The following TRIO variants were observed in gnomAD, a reference collection of about 807,000 sequenced individuals.
TRIO encodes the protein trio Rho guanine nucleotide exchange factor.
In TRIO, 58 loss-of-function variants were observed where a neutral mutation model predicts 351.9. The ratio of observed to expected loss-of-function variants is 0.16; its 90% CI spans 0.13 to 0.21. The LOEUF (loss-of-function observed/expected upper bound fraction) is 0.21. Ranked by LOEUF, TRIO falls within the 10% of genes least tolerant of loss-of-function variation. TRIO has a pLI of 1.00. For synonymous variants in TRIO, 1,758 were observed against 1,595.7 expected, an observed-to-expected ratio of 1.10 and a Z score of -2.42; for missense variants, 3,201 against 4,027.8, an observed-to-expected ratio of 0.79 and a Z score of 5.56.
chr5:14,354,522 G>A (rs941793389), intron 11 of TRIO, among the ~76,000 whole-genome samples: 2 of 152,158 alleles, frequency 1.3e-5, no homozygotes, highest in African/African-American at 2.4e-5. Flanking sequence ...CAATATTTGG[G>A]TCAGAGTTGG....
At chr5:14,388,533 T>C in intron 23 of TRIO, 80 bp from the exon 24 acceptor site, 1 of 1,376,042 alleles carries the variant, frequency 7.3e-7, no homozygotes, top group Non-Finnish European at 1.0e-6. Flanking sequence ...ACCCACTCTG[T>C]TATTTCATAA....
intron 33 of TRIO, among the ~76,000 whole-genome samples, chr5:14,414,212 A>C (rs1749446050): frequency 6.6e-6 from 1 of 152,156 alleles, no homozygotes; most frequent in African/African-American, 2.4e-5. Context: ...TTTACCTGCC[A>C]CGCCACAGGG....
chr5:14,254,533 G>A (rs915867228), intron 1 of TRIO, among the ~76,000 whole-genome samples: 6 of 152,140 alleles, frequency 3.9e-5, no homozygotes, highest in Non-Finnish European at 8.8e-5. Context: ...GAGGCGCCTG[G>A]AAAGGAAGGA....
At chr5:14,419,610 G>GA (rs1158962414) in intron 33 of TRIO, among the ~76,000 whole-genome samples, 168 bp from the exon 34 acceptor site, 3 of 152,200 alleles carry the variant, frequency 2.0e-5, no homozygotes, top group East Asian at 1.9e-4. Flanking sequence ...AAGCTCTTAT[G>GA]AAAAATCATA....
At chr5:14,398,676 A>G (rs529663211) in intron 29 of TRIO, among the ~76,000 whole-genome samples, 1 of 152,298 alleles carries the variant, frequency 6.6e-6, no homozygotes, top group East Asian at 1.9e-4. Context: ...GAACAAAGGA[A>G]AATATATGTA....
chr5:14,417,816 A>G lies in TRIO; in HGVS notation c.4960-1962A>G, dbSNP rs541904567. Among the ~76,000 whole-genome samples the G allele has an allele frequency of 2.6e-5, 4 of 152,320 alleles. No individual in the cohort carries two copies. In the East Asian group the frequency reaches 7.7e-4, roughly 29 times the overall value. On this transcript the variant is annotated intron_variant, in intron 33 of 56. Transcript: ENST00000344204. ...TGCATTGCCTTCATTTTTAGAGCAT[A>G]TGTATCTTTTCTTTTTCATTTCACA...
chr5:14,476,833 T>A, intron 40 of TRIO, 61 bp from the exon 41 acceptor site: 2 of 1,399,196 alleles, frequency 1.4e-6, no homozygotes, highest in Non-Finnish European at 2.0e-6. Flanking sequence ...AATGTAAACC[T>A]AAATCTAAAA....
chr5:14,195,820 C>A (rs1790736950), intron 1 of TRIO, among the ~76,000 whole-genome samples: 1 of 152,144 alleles, frequency 6.6e-6, no homozygotes, highest in Non-Finnish European at 1.5e-5. Context: ...CCAGCGGGGA[C>A]AGTTCAGGCT....
intron 1 of TRIO, 124 bp downstream of exon 1, chr5:14,144,006 C>T (rs1787335284): frequency 2.8e-6 from 2 of 710,472 alleles, no homozygotes; most frequent in Non-Finnish European, 3.5e-6. Flanking sequence ...TCGGGGCCCG[C>T]AGGCTCTCGC....
At chr5:14,147,287 C>T (rs999162539) in intron 1 of TRIO, among the ~76,000 whole-genome samples, 5 of 152,294 alleles carry the variant, frequency 3.3e-5, no homozygotes, top group Middle Eastern at 3.4e-3. Context: ...AGTCAGGGCC[C>T]TGGTCCCTGG....
intron 19 of TRIO, among the ~76,000 whole-genome samples, chr5:14,375,762 C>G (rs1745504202): frequency 6.6e-6 from 1 of 152,220 alleles, no homozygotes; most frequent in African/African-American, 2.4e-5. Flanking sequence ...AGTACTGGCT[C>G]AGGCAGAGAC....
chr5:14,167,143 A>T (rs930427820), intron 1 of TRIO, among the ~76,000 whole-genome samples: 1 of 150,974 alleles, frequency 6.6e-6, no homozygotes, highest in African/African-American at 2.4e-5. Flanking sequence ...TTCCTTTGAG[A>T]TTTAAGATCT....
At chr5:14,384,479 A>G (rs923712344) in intron 21 of TRIO, among the ~76,000 whole-genome samples, 3 of 152,352 alleles carry the variant, frequency 2.0e-5, no homozygotes, top group African/African-American at 7.2e-5. Flanking sequence ...CACTGTAACG[A>G]TCTCTAGAGA....
At chr5:14,429,167 G>A (rs985486025) in intron 34 of TRIO, among the ~76,000 whole-genome samples, 3 of 152,190 alleles carry the variant, frequency 2.0e-5, no homozygotes, top group Admixed American at 6.5e-5. Flanking sequence ...AGTAAGTGGC[G>A]TTCCTGGAGG....
Position 14,419,959 on chromosome 5 carries a change from G to A in TRIO, c.5141G>A (p.Gly1714Asp). ...SPAAEGLVPC[G>D]SLCIAHSRSS... ...GCGGCAGAAGGCCTGGTCCCCTGTGGTTCACTGTGCATCGCCCACTCCAGA... is the reference window on the plus strand; with the variant it reads ...GCGGCAGAAGGCCTGGTCCCCTGTGATTCACTGTGCATCGCCCACTCCAGA... Residue 1714 changes from glycine (G) to aspartate (D), a missense_variant, in exon 34 of 57, where the codon GGT becomes GAT. Gly to Asp is a moderately conservative substitution (Grantham distance 94, BLOSUM62 -1). Around this residue, in one of 19 missense-constraint regions of TRIO, gnomAD observed 193 missense variants for 218.8 expected, o/e 0.88. Transcript: ENST00000344204. The A allele has an allele frequency of 6.2e-7, 1 of 1,614,262 alleles. No individual in the cohort carries two copies. The highest frequency in any genetic ancestry group is 8.5e-7 in the Non-Finnish European group (1 of 1,180,048).
chr5:14,210,908 C>T (rs1231103108), intron 1 of TRIO, among the ~76,000 whole-genome samples: 2 of 151,512 alleles, frequency 1.3e-5, no homozygotes, highest in Non-Finnish European at 2.9e-5. Flanking sequence ...CCTCCTTTCA[C>T]CCTTCTCCTC....
intron 15 of TRIO, 26 bp from the exon 16 acceptor site, chr5:14,366,834 T>G: frequency 1.2e-6 from 2 of 1,613,560 alleles, no homozygotes; most frequent in Middle Eastern, 3.3e-4. Flanking sequence ...GTCCACTGCT[T>G]GGAGTTATCC....
chr5:14,441,978 G>A (rs1561495083), intron 34 of TRIO, among the ~76,000 whole-genome samples: 1 of 152,226 alleles, frequency 6.6e-6, no homozygotes, highest in Non-Finnish European at 1.5e-5. Context: ...AGGTCGGTAA[G>A]CTTCACTTTG....
At chr5:14,468,972 T>C (rs902905601) in intron 37 of TRIO, among the ~76,000 whole-genome samples, 2 of 152,242 alleles carry the variant, frequency 1.3e-5, no homozygotes, top group Non-Finnish European at 2.9e-5. Context: ...CTGGTTATTT[T>C]AAAGGCTGTG....
Sources: allele counts gnomAD v4.1 joint callset (sites outside exome capture counted in the v4.1 genomes callset), GRCh38; gene constraint gnomAD v4.1.1; regional missense constraint gnomAD v4.1.1; transcripts MANE v1.5; gene names NCBI Gene and HGNC (gene_info 2026-07-23, HGNC 2026-07-21).